The following WDR43 variants were observed in gnomAD, a reference collection of about 807,000 sequenced individuals.
WDR43 encodes WD repeat-containing protein 43.
Under a neutral mutation model 91.4 loss-of-function variants are expected in WDR43, and 13 were observed. The observed-to-expected ratio is 0.14, with a 90% CI of 0.09 to 0.23. WDR43 has a LOEUF of 0.23. Ranked by LOEUF, WDR43 falls within the 10% of genes least tolerant of loss-of-function variation. The probability of loss-of-function intolerance (pLI) is 1.00; values close to 1 mark genes in which losing one functional copy is unlikely to be tolerated. For missense variants in WDR43, 780 were observed against 809.4 expected, an observed-to-expected ratio of 0.96 and a Z score of 0.44; for synonymous variants, 331 against 287.9, an observed-to-expected ratio of 1.15 and a Z score of -1.51.
At chr2:28,941,391 G>A in intron 14 of WDR43, 70 bp from the exon 15 acceptor site, 1 of 1,219,754 alleles carries the variant, frequency 8.2e-7, no homozygotes, top group Non-Finnish European at 1.2e-6. Context: ...CTGAGGCATA[G>A]CTGAGCATGA....
intron 13 of WDR43, 91 bp from the exon 14 acceptor site, chr2:28,937,840 A>G: frequency 8.5e-7 from 1 of 1,179,392 alleles, no homozygotes; most frequent in South Asian, 1.3e-5. Flanking sequence ...ACATTTATAG[A>G]CCTTCACTTG....
At chr2:28,928,848 A>AT (rs35617956) in intron 10 of WDR43, among the ~76,000 whole-genome samples, 39,166 of 151,650 alleles carry the variant, frequency 0.26, 6,277 homozygotes, top group East Asian at 0.77. Context: ...TGCCTGGCTA[A>AT]TTTTTTTATA....
At chr2:28,921,950 G>A (rs1671037331) in intron 6 of WDR43, among the ~76,000 whole-genome samples, 1 of 152,058 alleles carries the variant, frequency 6.6e-6, no homozygotes, top group Non-Finnish European at 1.5e-5. Context: ...CCAGGCTCTA[G>A]CTATCTTCCC....
chr2:28,916,900 A>G (rs1262217466), intron 5 of WDR43, among the ~76,000 whole-genome samples: 1 of 151,852 alleles, frequency 6.6e-6, no homozygotes, highest in Non-Finnish European at 1.5e-5. Flanking sequence ...ATTTAAAGAT[A>G]TCTTATTTAA....
chr2:28,936,377 G>C (rs919452428), intron 12 of WDR43, among the ~76,000 whole-genome samples: 1 of 152,028 alleles, frequency 6.6e-6, no homozygotes, highest in Admixed American at 6.6e-5. Context: ...AGTGTGGGCT[G>C]GTGTACCATT....
rs375522125 is a variant in WDR43 at position 28,894,834 on chromosome 2, A to T, written c.136A>T (p.Asn46Tyr). ...GHLRVWETAN[N>Y]RLHQEYVPSA... ...CTTACGAGTATGGGAGACGGCCAAC[A>T]ACCGGCTGCACCAGGAGTACGTGCC... The change falls in exon 1 of 18, where the codon AAC becomes TAC. Residue 46 changes from asparagine to tyrosine, a missense_variant. Asn to Tyr is a moderately radical substitution (Grantham distance 143). Coordinates refer to ENST00000407426, the MANE Select transcript of WDR43 (RefSeq NM_015131.3). 148 of 1,611,236 alleles carry T rather than the reference A, an allele frequency of 9.2e-5. No homozygotes were observed. The highest frequency in any genetic ancestry group is 1.1e-4 in the Non-Finnish European group (135 of 1,178,872).
intron 13 of WDR43, 87 bp downstream of exon 13, chr2:28,937,040 C>G: frequency 1.5e-6 from 2 of 1,309,240 alleles, no homozygotes; most frequent in South Asian, 1.4e-5. Flanking sequence ...ACTAATAAAA[C>G]TCTTTCAGTG....
chr2:28,898,145 T>G (rs1396266462), intron 1 of WDR43, among the ~76,000 whole-genome samples: 1 of 152,250 alleles, frequency 6.6e-6, no homozygotes, highest in East Asian at 1.9e-4. Flanking sequence ...ACTTTTCTGC[T>G]TTTCCTTCTC....
At chr2:28,903,866 G>A (rs1174657020) in intron 2 of WDR43, among the ~76,000 whole-genome samples, 1 of 152,110 alleles carries the variant, frequency 6.6e-6, no homozygotes, top group African/African-American at 2.4e-5. Flanking sequence ...GTGCAGTAGT[G>A]CGGTCTCAGC....
chr2:28,916,879 T>C (rs1289825905), intron 5 of WDR43, among the ~76,000 whole-genome samples: 1 of 152,194 alleles, frequency 6.6e-6, no homozygotes, highest in Non-Finnish European at 1.5e-5. Flanking sequence ...CCTTGTTTTA[T>C]GTTTGTTTCT....
chr2:28,926,359 A>G (rs1671140180), intron 8 of WDR43, 109 bp from the exon 9 acceptor site: 1 of 767,336 alleles, frequency 1.3e-6, no homozygotes, highest in East Asian at 2.8e-5. Context: ...ATAAAAATGC[A>G]CAAGTAGTCA....
chr2:28,920,152 G>C (rs916455335), intron 6 of WDR43, among the ~76,000 whole-genome samples: 3 of 150,544 alleles, frequency 2.0e-5, no homozygotes, highest in African/African-American at 7.3e-5. Context: ...GGCCCCCTGT[G>C]ACTGTAAAAT....
intron 12 of WDR43, among the ~76,000 whole-genome samples, 155 bp from the exon 13 acceptor site, chr2:28,936,767 T>C (rs980392301): frequency 1.1e-4 from 17 of 152,224 alleles, no homozygotes; most frequent in Non-Finnish European, 2.2e-4. Context: ...CTAATTACTC[T>C]GATTATGGGA....
intron 14 of WDR43, among the ~76,000 whole-genome samples, chr2:28,940,355 G>A (rs1049740733): frequency 2.6e-5 from 4 of 151,690 alleles, no homozygotes; most frequent in South Asian, 2.1e-4. Flanking sequence ...TCAGCCTCCC[G>A]AGTAGCTGGG....
At position 28,912,539 on chromosome 2, in the gene WDR43, T is replaced by C. The variant is rs1218662967; in HGVS notation, c.486-51T>C. ...TTTTTTTGTTATTTTCTGCTCTGAG[T>C]AAAGTTTTCTCTCATGTATTGAGAT... On this transcript the variant is annotated intron_variant, in intron 3 of 17. Coordinates refer to ENST00000407426, the MANE Select transcript of WDR43 (RefSeq NM_015131.3). The C allele has an allele frequency of 1.9e-6, 3 of 1,583,504 alleles. No individual in the cohort carries two copies. The Admixed American group carries it at 5.6e-5, about 30-fold the overall frequency.
At chr2:28,942,890 C>T (rs980561090) in intron 16 of WDR43, among the ~76,000 whole-genome samples, 1 of 152,008 alleles carries the variant, frequency 6.6e-6, no homozygotes, top group African/African-American at 2.4e-5. Flanking sequence ...TGTGAGCCAC[C>T]ATGCCTGGCC....
intron 8 of WDR43, 104 bp from the exon 9 acceptor site, chr2:28,926,361 AAGT>A: frequency 1.3e-6 from 1 of 779,986 alleles, no homozygotes; most frequent in Non-Finnish European, 2.0e-6. Flanking sequence ...AAAAATGCAC[AAGT>A]AGTCATTTAT....
intron 7 of WDR43, among the ~76,000 whole-genome samples, chr2:28,924,627 G>A (rs1163045706): frequency 1.3e-5 from 2 of 152,096 alleles, no homozygotes; most frequent in Non-Finnish European, 2.9e-5. Flanking sequence ...TTTGGGGGTT[G>A]GGAGAAACTG....
At chr2:28,933,175 A>G (rs992908308) in intron 11 of WDR43, among the ~76,000 whole-genome samples, 3 of 152,244 alleles carry the variant, frequency 2.0e-5, no homozygotes, top group Admixed American at 2.0e-4. Context: ...TGCAAAGGAC[A>G]TGGAATAACC....
Sources: gnomAD v4.1 joint callset for allele counts (sites outside exome capture counted in the v4.1 genomes callset) on GRCh38, gnomAD v4.1.1 for gene constraint, MANE v1.5 for transcripts, NCBI Gene and HGNC (gene_info 2026-07-23, HGNC 2026-07-21) for gene names.